The following KHSRP variants were observed in gnomAD, a reference collection of about 807,000 sequenced individuals.
KHSRP encodes the protein KH-type splicing regulatory protein.
KHSRP carries 13 observed loss-of-function variants against 94.9 expected under a neutral mutation model. That is an observed-to-expected ratio of 0.14 (90% CI 0.09 to 0.22). The LOEUF (loss-of-function observed/expected upper bound fraction) is 0.22. Among genes scored for constraint, KHSRP ranks in the 10% least tolerant of loss-of-function variants. The pLI is 1.00. For synonymous variants in KHSRP, 495 were observed against 401.4 expected, an observed-to-expected ratio of 1.23 and a Z score of -2.79; for missense variants, 710 against 1,010.0, an observed-to-expected ratio of 0.70 and a Z score of 4.03.
chr19:6,420,771 T>C (rs972040363), intron 4 of KHSRP, among the ~76,000 whole-genome samples: 9 of 152,258 alleles, frequency 5.9e-5, no homozygotes, highest in African/African-American at 2.2e-4. Context: ...CTTTTCATCT[T>C]ATTTTCCTAG....
rs1458164800 is a variant in KHSRP, at chr19:6,415,600, G to C, written c.1822C>G (p.Pro608Ala). 1.3e-6 allele frequency: 2 copies of C among 1,516,814 alleles called. No homozygotes were observed. Among genetic ancestry groups the C allele is most frequent in the Non-Finnish European group, 1.8e-6 (2 of 1,132,900 alleles). 94.0% of individuals were successfully genotyped at this position (1,516,814 alleles called of 1,614,324 possible). A position where few individuals can be genotyped will look rare whatever the true frequency, so the allele number is the denominator to read the frequency against. The change falls in exon 17 of 19, where the codon CCT (proline) becomes GCT (alanine). Residue 608 changes from proline (P) to alanine (A), a missense_variant. Coordinates refer to ENST00000600480, the MANE Select transcript of KHSRP (RefSeq NM_001366299.1). ...GACTGGCCGGTGGGTGGGGGCTGAGGGGGCTCACCCTGAGCCGGTGGGGCC... is the reference window on the plus strand; with the variant it reads ...GACTGGCCGGTGGGTGGGGGCTGAGCGGGCTCACCCTGAGCCGGTGGGGCC... ...PAAPPAQGEP[P>A]QPPPTGQSDY...
chr19:6,414,827 T>C lies in KHSRP; in HGVS notation c.*197A>G. ...GTGCCCACCGTCCGCGCTGTCTGCC[T>C]GCCCCCCGACTCCCCAGCAGTTCAG... On this transcript the variant is annotated 3_prime_UTR_variant, in exon 19 of 19. Coordinates refer to ENST00000600480, the MANE Select transcript of KHSRP (RefSeq NM_001366299.1). The C allele has an allele frequency of 8.1e-7, 1 of 1,227,368 alleles. No homozygotes were observed. The highest frequency in any genetic ancestry group is 1.0e-6 in the Non-Finnish European group (1 of 981,372). The allele number at this position is 1,227,368 out of a possible 1,614,324, so 76.0% of individuals were successfully genotyped here.
Position 6,414,091 on chromosome 19 carries a change from A to G in KHSRP, c.*933T>C, listed in dbSNP as rs762122897. ...AAAAAAAAAGATTTTTCACAGATGA[A>G]GAAGTTCACATTCATTCGATTCATT... On this transcript the variant is annotated 3_prime_UTR_variant, in exon 19 of 19. Coordinates refer to ENST00000600480, the MANE Select transcript of KHSRP (RefSeq NM_001366299.1). The G allele has an allele frequency of 6.2e-7, 1 of 1,600,814 alleles. No homozygotes were observed.
chr19:6,418,358 C>T lies in KHSRP; in HGVS notation c.879+125G>A, dbSNP rs1414737344. ...TCCTACGAGCCAGCGCTCTTGCAAG[C>T]CTCTTGGTGTTATGACCGACTGTTC... On this transcript the variant is annotated intron_variant, in intron 9 of 18. Coordinates refer to ENST00000600480, the MANE Select transcript of KHSRP (RefSeq NM_001366299.1). This position sits in a 1 kb window ranked among gnomAD's most constrained non-coding sequence, Gnocchi z 4.3. The T allele has an allele frequency of 2.7e-6, 2 of 739,458 alleles. No individual in the cohort carries two copies. The highest frequency in any genetic ancestry group is 4.6e-6 in the Non-Finnish European group (2 of 432,962). 45.8% of individuals were successfully genotyped at this position (739,458 alleles called of 1,614,324 possible).
chr19:6,414,391 G>A lies in KHSRP; in HGVS notation c.*633C>T, dbSNP rs1654587. ...CGCGGAGGGCGGAGGCGCTAGGGTC[G>A]TAGGGGAGCTGCCCTGTCTCCGGAG... is the stretch of plus-strand genomic sequence containing the variant. On this transcript the variant is annotated 3_prime_UTR_variant, in exon 19 of 19. Transcript: ENST00000600480. The A allele has an allele frequency of 8.0e-4, 1,044 of 1,311,956 alleles. 6 individuals are homozygous for A. In the African/African-American group the frequency reaches 0.014, roughly 17 times the overall value. 81.3% of individuals were successfully genotyped at this position (1,311,956 alleles called of 1,614,324 possible). A position where few individuals can be genotyped will look rare whatever the true frequency, so the allele number is the denominator to read the frequency against.
rs1329755411 is a variant in KHSRP, at chr19:6,414,606, CCG to C, written c.*416_*417del. ...GCGGGGCAGGGGCCTGGGCCGCTCC[CCG>C]CGTCCCCACCAGTCCCTGCCAGAGC... On this transcript the variant is annotated 3_prime_UTR_variant, in exon 19 of 19. Transcript: ENST00000600480. 2.0e-6 allele frequency: 2 copies of C among 1,011,674 alleles called. No individual in the cohort carries two copies. The highest frequency in any genetic ancestry group is 3.5e-5 in the African/African-American group (2 of 57,914). 62.7% of individuals were successfully genotyped at this position (1,011,674 alleles called of 1,614,324 possible). A position where few individuals can be genotyped will look rare whatever the true frequency, so the allele number is the denominator to read the frequency against.
Position 6,415,218 on chromosome 19 carries a change from G to A in KHSRP, c.2050C>T (p.Gln684Ter). ...GTCTGTCCGTAGTAAGCGGCCTGCT[G>A]TCTGTAATATTCCGCCCAGGCGGCA... ...YSAAWAEYYR[Q>*]QAAYYGQTPG... is the part of the protein sequence containing the mutation. The change falls in exon 19 of 19, where the codon CAG becomes TAG. Residue 684 changes from glutamine (Q) to a stop codon, truncating the protein, a stop_gained. Transcript: ENST00000600480. LOFTEE classifies it high-confidence loss of function. The A allele has an allele frequency of 6.2e-7, 1 of 1,612,588 alleles. No individual in the cohort carries two copies. Among genetic ancestry groups the A allele is most frequent in the Non-Finnish European group, 8.5e-7 (1 of 1,179,834 alleles).
Position 6,417,733 on chromosome 19 carries a change from CCT to C in KHSRP, c.1081+4_1081+5del. On this transcript the variant is annotated splice_donor_5th_base_variant and intron_variant, in intron 11 of 18. Coordinates refer to ENST00000600480, the MANE Select transcript of KHSRP (RefSeq NM_001366299.1). ...TGGCCAGGGGCAGGGTGGGCCAGGC[CCT>C]GACCTTGCTTGAACTGTATCCGCAC... 1 of 1,612,722 alleles carries C rather than the reference CCT, an allele frequency of 6.2e-7. No individual in the cohort carries two copies. Among genetic ancestry groups the C allele is most frequent in the Non-Finnish European group, 8.5e-7 (1 of 1,178,962 alleles).
Position 6,414,395 on chromosome 19 carries a change from G to C in KHSRP, c.*629C>G, listed in dbSNP as rs1343533624. 3.8e-6 allele frequency: 5 copies of C among 1,310,438 alleles called. No homozygotes were observed. Among genetic ancestry groups the C allele is most frequent in the African/African-American group, 1.5e-5 (1 of 66,918 alleles). The allele number at this position is 1,310,438 out of a possible 1,614,324, so 81.2% of individuals were successfully genotyped here. ...GAGGGCGGAGGCGCTAGGGTCGTAG[G>C]GGAGCTGCCCTGTCTCCGGAGGGCG... On this transcript the variant is annotated 3_prime_UTR_variant, in exon 19 of 19. Transcript: ENST00000600480.
rs370919813 is a variant in KHSRP at position 6,418,591 on chromosome 19, C to T, written c.781-10G>A. 1 of 1,613,714 alleles carries T rather than the reference C, an allele frequency of 6.2e-7. No homozygotes were observed. The highest frequency in any genetic ancestry group is 1.3e-5 in the African/African-American group (1 of 74,938). ...TCACTCCAGCGCGTTCCTTTACAAG[C>T]AAGGTTAACCGTTAGTGCTGGGCTC... is the stretch of plus-strand genomic sequence containing the variant. On this transcript the variant is annotated splice_polypyrimidine_tract_variant and intron_variant, in intron 8 of 18. Coordinates refer to ENST00000600480, the MANE Select transcript of KHSRP (RefSeq NM_001366299.1). The surrounding 1 kb of genome is among the most constrained non-coding windows in gnomAD (Gnocchi z 4.3).
Position 6,414,409 on chromosome 19 carries a change from C to G in KHSRP, c.*615G>C. 7.8e-7 allele frequency: 1 copy of G among 1,279,876 alleles called. No individual in the cohort carries two copies. Among genetic ancestry groups the G allele is most frequent in the Non-Finnish European group, 9.9e-7 (1 of 1,012,100 alleles). The allele number at this position is 1,279,876 out of a possible 1,614,324, so 79.3% of individuals were successfully genotyped here. On this transcript the variant is annotated 3_prime_UTR_variant, in exon 19 of 19. Coordinates refer to ENST00000600480, the MANE Select transcript of KHSRP (RefSeq NM_001366299.1). ...TAGGGTCGTAGGGGAGCTGCCCTGT[C>G]TCCGGAGGGCGGTGGCTCCCGGCGC...
rs1383669269 is a variant in KHSRP at position 6,414,505 on chromosome 19, G to A, written c.*519C>T. On this transcript the variant is annotated 3_prime_UTR_variant, in exon 19 of 19. Transcript: ENST00000600480. ...ACCCCTGTGAGGTAGGTTGGAAGGT[G>A]GCAACGATCTTCACGCCCACTTCAC... 1.1e-5 allele frequency: 12 copies of A among 1,062,040 alleles called. No homozygotes were observed. Among genetic ancestry groups the A allele is most frequent in the African/African-American group, 6.7e-5 (4 of 59,756 alleles). 65.8% of individuals were successfully genotyped at this position (1,062,040 alleles called of 1,614,324 possible).
rs765189433 is a variant in KHSRP, at chr19:6,417,017, C to A, written c.1152G>T (p.Arg384=). Residue 384 remains arginine, a synonymous_variant, in exon 12 of 19, where the codon CGG becomes CGT. Coordinates refer to ENST00000600480, the MANE Select transcript of KHSRP (RefSeq NM_001366299.1). ...GPPDRCEHAA[R]IINDLLQSLR... The stretch of plus-strand genomic sequence containing the variant: ...GGCTCTGGAGGAGGTCGTTGATGAT[C>A]CGGGCTGCGTGCTCGCACCTGTCTG... 4.3e-6 allele frequency: 7 copies of A among 1,613,806 alleles called. No individual in the cohort carries two copies. The highest frequency in any genetic ancestry group is 1.1e-5 in the South Asian group (1 of 91,076).
intron 4 of KHSRP, 165 bp downstream of exon 4, chr19:6,421,113 G>A (rs1390323435): frequency 5.5e-5 from 36 of 656,724 alleles, no homozygotes; most frequent in South Asian, 2.5e-4. Context: ...TACGAGGAAC[G>A]GACACAGCTC....
Position 6,418,928 on chromosome 19 carries a change from A to AGAGAG in KHSRP, c.606-53_606-52insCTCTC. ...GCGGGTGCCACCGCTGGAGAAAGGT[A>AGAGAG]CTGGTCTGGTGGCCCACCCAGCTCA... On this transcript the variant is annotated intron_variant, in intron 7 of 18. Coordinates refer to ENST00000600480, the MANE Select transcript of KHSRP (RefSeq NM_001366299.1). This position sits in a 1 kb window ranked among gnomAD's most constrained non-coding sequence, Gnocchi z 4.3. 6.7e-7 allele frequency: 1 copy of AGAGAG among 1,490,282 alleles called. No individual in the cohort carries two copies. Among genetic ancestry groups the AGAGAG allele is most frequent in the East Asian group, 2.3e-5 (1 of 43,138 alleles). The allele number at this position is 1,490,282 out of a possible 1,614,324, so 92.3% of individuals were successfully genotyped here.
chr19:6,414,473 CCA>C lies in KHSRP; in HGVS notation c.*549_*550del, dbSNP rs879810811. On this transcript the variant is annotated 3_prime_UTR_variant, in exon 19 of 19. Transcript: ENST00000600480. Reference sequence around the variant, plus strand: ...GAACAATCCAGAGATCATGGTGTCCCCACAACACCCCTGTGAGGTAGGTTGGA... The same window carrying C: ...GAACAATCCAGAGATCATGGTGTCCCCAACACCCCTGTGAGGTAGGTTGGA... 1.4e-4 allele frequency: 155 copies of C among 1,124,814 alleles called. No homozygotes were observed. Among genetic ancestry groups the C allele is most frequent in the Non-Finnish European group, 1.6e-4 (148 of 918,544 alleles). 69.7% of individuals were successfully genotyped at this position (1,124,814 alleles called of 1,614,324 possible).
At position 6,415,420 on chromosome 19, in the gene KHSRP, C is replaced by T. The variant is rs1442402733; in HGVS notation, c.1926G>A (p.Gln642=). ...ACTCCTCCCAAGCCTTCGTGTAGTC[C>T]TGCTGTGGGGGTGCTCCGGGCTGCT... The part of the protein sequence containing the change: ...QPQQPGAPPQ[Q]DYTKAWEEYY... The change falls in exon 18 of 19, where the codon CAG becomes CAA. Residue 642 remains glutamine, a synonymous_variant. Transcript: ENST00000600480. 3.8e-6 allele frequency: 6 copies of T among 1,588,640 alleles called. No homozygotes were observed. The highest frequency in any genetic ancestry group is 5.1e-6 in the Non-Finnish European group (6 of 1,167,744).
In KHSRP at chr19:6,413,973, C is replaced by A; in HGVS notation, c.*1051G>T. 2 of 1,152,472 alleles carry A rather than the reference C, an allele frequency of 1.7e-6. No homozygotes were observed. The highest frequency in any genetic ancestry group is 1.6e-5 in the African/African-American group (1 of 63,302). 71.4% of individuals were successfully genotyped at this position (1,152,472 alleles called of 1,614,324 possible). A position where few individuals can be genotyped will look rare whatever the true frequency, so the allele number is the denominator to read the frequency against. ...CCGGCATGCCCCCAAGTCCCCCCCACCCTGCTTGCCGCGAGGGCTCCCCAG... is the reference window on the plus strand; with the variant it reads ...CCGGCATGCCCCCAAGTCCCCCCCAACCTGCTTGCCGCGAGGGCTCCCCAG... On this transcript the variant is annotated 3_prime_UTR_variant, in exon 19 of 19. Transcript: ENST00000600480.
In KHSRP at chr19:6,414,484, CTG is replaced by C. The variant is rs1211239626; in HGVS notation, c.*538_*539del. On this transcript the variant is annotated 3_prime_UTR_variant, in exon 19 of 19. Transcript: ENST00000600480. ...AGATCATGGTGTCCCCACAACACCC[CTG>C]TGAGGTAGGTTGGAAGGTGGCAACG... The C allele has an allele frequency of 1.8e-6, 2 of 1,098,986 alleles. No individual in the cohort carries two copies. The highest frequency in any genetic ancestry group is 2.2e-6 in the Non-Finnish European group (2 of 902,690). 68.1% of individuals were successfully genotyped at this position (1,098,986 alleles called of 1,614,324 possible). A position where few individuals can be genotyped will look rare whatever the true frequency, so the allele number is the denominator to read the frequency against.
Sources: allele counts gnomAD v4.1 joint callset (sites outside exome capture counted in the v4.1 genomes callset), GRCh38; gene constraint gnomAD v4.1.1; non-coding constraint Gnocchi (gnomAD v3.1); transcripts MANE v1.5; gene names NCBI Gene and HGNC (gene_info 2026-07-23, HGNC 2026-07-21).